Variants in ATR observed in about 807,000 individuals in gnomAD.
ATR encodes serine/threonine-protein kinase ATR.
ATR carries 142 observed loss-of-function variants against 305.3 expected under a neutral mutation model. That is an observed-to-expected ratio of 0.47 (90% CI 0.41 to 0.53). The LOEUF is 0.53. Ranked by LOEUF, ATR falls within the 20% of genes least tolerant of loss-of-function variation. The probability of loss-of-function intolerance (pLI) is 0.00; values close to 1 mark genes in which losing one functional copy is unlikely to be tolerated. For synonymous variants in ATR, 1,050 were observed against 1,068.1 expected (o/e 0.98, Z 0.33); for missense variants, 2,135 against 3,133.1 (o/e 0.68, Z 7.60).
intron 3 of ATR, among the ~76,000 whole-genome samples, chr3:142,563,755 T>C (rs2108489819): frequency 6.6e-6 from 1 of 152,350 alleles, no homozygotes; most frequent in South Asian, 2.1e-4. Flanking sequence ...GGAAGGCATG[T>C]TGAAAGCCAA....
intron 10 of ATR, among the ~76,000 whole-genome samples, chr3:142,554,793 A>T (rs984714400): frequency 6.6e-6 from 1 of 151,716 alleles, no homozygotes; most frequent in Non-Finnish European, 1.5e-5. Context: ...GTAGTGGCAC[A>T]TACTATGGTT....
At chr3:142,496,798 A>G (rs1480630432) in intron 33 of ATR, among the ~76,000 whole-genome samples, 1 of 152,124 alleles carries the variant, frequency 6.6e-6, no homozygotes. Flanking sequence ...TATCCCCCAG[A>G]TATGTTTTTA....
chr3:142,559,229 T>C lies in ATR; in HGVS notation c.1732+22A>G, dbSNP rs755429525. On this transcript the variant is annotated intron_variant, in intron 7 of 46. Transcript: ENST00000350721. ...TGATTATCTTTAAAGGTTATTCTGA[T>C]CTGTTGCTAATTTGTACTCACCTTG... 3.1e-6 allele frequency: 5 copies of C among 1,602,240 alleles called. No individual in the cohort carries two copies. The Admixed American group carries it at 5.0e-5, about 16-fold the overall frequency.
intron 35 of ATR, 57 bp from the exon 36 acceptor site, chr3:142,485,339 T>A: frequency 6.3e-7 from 1 of 1,589,284 alleles, no homozygotes; most frequent in Admixed American, 1.7e-5. Flanking sequence ...TGCTGGGAAG[T>A]AAAATATGAA....
chr3:142,534,885 A>C (rs1182133129), intron 21 of ATR, among the ~76,000 whole-genome samples, 195 bp downstream of exon 21: 2 of 152,104 alleles, frequency 1.3e-5, no homozygotes, highest in Non-Finnish European at 2.9e-5. Flanking sequence ...AAAACAACAA[A>C]AACTGCAAAT....
rs749606435 is a variant in ATR, at chr3:142,449,393, T to C, written c.*36A>G. 6.4e-7 allele frequency: 1 copy of C among 1,557,702 alleles called. No individual in the cohort carries two copies. The highest frequency in any genetic ancestry group is 8.9e-7 in the Non-Finnish European group (1 of 1,129,152). ...CAGATTCATACCAAATGCATTACTT[T>C]TAGATTATTAACATATTCTTTTACA... is the stretch of plus-strand genomic sequence containing the variant. On this transcript the variant is annotated 3_prime_UTR_variant, in exon 47 of 47. Coordinates refer to ENST00000350721, the MANE Select transcript of ATR (RefSeq NM_001184.4).
chr3:142,536,115 T>A lies in ATR; in HGVS notation c.3812A>T (p.Tyr1271Phe), dbSNP rs1332295692. Residue 1271 changes from tyrosine to phenylalanine, a missense_variant, in exon 20 of 47, where the codon TAC becomes TTC. Transcript: ENST00000350721. ...LKKIKAVLQE[Y>F]RKETSESTDL... ...AAATTAAAAATTAAATACCTTTCTG[T>A]ATTCCTGGAGAACGGCTTTTATCTT... 1 of 1,562,952 alleles carries A rather than the reference T, an allele frequency of 6.4e-7. No individual in the cohort carries two copies. Among genetic ancestry groups the A allele is most frequent in the East Asian group, 2.2e-5 (1 of 44,466 alleles).
At position 142,459,067 on chromosome 3, in the gene ATR, G is replaced by C. The variant is rs2108260468; in HGVS notation, c.7394C>G (p.Ser2465Ter). Residue 2465 changes from serine (S) to a stop codon, truncating the protein, a stop_gained, in exon 44 of 47, where the codon TCA becomes TGA. Transcript: ENST00000350721. LOFTEE classifies it high-confidence loss of function. ...AAGCCCCAGAATATAACCAACCATT[G>C]ACATTACTGCAGTGGAACGGCAGTA... Reference protein sequence around the residue: ...SAYCRSTAVMSMVGYILGLGD... With the variant: ...SAYCRSTAVM 6.2e-7 allele frequency: 1 copy of C among 1,613,930 alleles called. No homozygotes were observed. The highest frequency in any genetic ancestry group is 2.2e-5 in the East Asian group (1 of 44,870).
rs1329007573 is a variant in ATR, at chr3:142,452,952, A to T, written c.7761+176T>A. 4 of 1,472,692 alleles carry T rather than the reference A, an allele frequency of 2.7e-6. No homozygotes were observed. In the African/African-American group the frequency reaches 5.7e-5, roughly 21 times the overall value. The allele number at this position is 1,472,692 out of a possible 1,614,324, so 91.2% of individuals were successfully genotyped here. Reference sequence around the variant, plus strand: ...TGCGAATACTGTTAACATTACTGACAATAAAGAAAACTTATGGCATTGTGA... The same window carrying T: ...TGCGAATACTGTTAACATTACTGACTATAAAGAAAACTTATGGCATTGTGA... On this transcript the variant is annotated intron_variant, in intron 46 of 46. Coordinates refer to ENST00000350721, the MANE Select transcript of ATR (RefSeq NM_001184.4).
chr3:142,514,467 T>TA (rs1454265309), intron 25 of ATR, among the ~76,000 whole-genome samples: 88 of 150,594 alleles, frequency 5.8e-4, no homozygotes, highest in African/African-American at 2.0e-3. Context: ...CCGTCTCTAC[T>TA]AAAAAAATAC....
chr3:142,511,835 T>C (rs1050775215), intron 27 of ATR, among the ~76,000 whole-genome samples: 1 of 151,362 alleles, frequency 6.6e-6, no homozygotes, highest in African/African-American at 2.4e-5. Context: ...ACAAAACAGC[T>C]GGGTGCGGTG....
intron 34 of ATR, 82 bp downstream of exon 34, chr3:142,496,279 T>C (rs73864545): frequency 1.1e-4 from 3 of 28,452 alleles, no homozygotes; most frequent in Admixed American, 7.5e-4. Context: ...AATTCCCGAC[T>C]ATATATATAT....
intron 31 of ATR, chr3:142,499,036 C>T (rs2031805878): frequency 2.0e-6 from 1 of 499,926 alleles, no homozygotes; most frequent in East Asian, 3.6e-5. Context: ...GCCACCATGC[C>T]CAGCTAAGTT....
At position 142,563,052 on chromosome 3, in the gene ATR, T is replaced by C; in HGVS notation, c.350A>G (p.His117Arg). The C allele has an allele frequency of 6.2e-7, 1 of 1,601,108 alleles. No homozygotes were observed. The highest frequency in any genetic ancestry group is 2.2e-5 in the East Asian group (1 of 44,810). Residue 117 changes from histidine to arginine, a missense_variant, in exon 4 of 47, where the codon CAT (histidine) becomes CGT (arginine). Coordinates refer to ENST00000350721, the MANE Select transcript of ATR (RefSeq NM_001184.4). Reference protein sequence around the residue: ...LLRIAATPSCHLLHKKICEVI... With the variant: ...LLRIAATPSCRLLHKKICEVI... ...TTCACAGATTTTCTTGTGTAACAAA[T>C]GACAGGAGGGAGTTGCTGCAATCCG... is the stretch of plus-strand genomic sequence containing the variant.
chr3:142,560,608 T>C (rs1484886303), intron 5 of ATR, among the ~76,000 whole-genome samples, 154 bp from the exon 6 acceptor site: 1 of 152,014 alleles, frequency 6.6e-6, no homozygotes, highest in Non-Finnish European at 1.5e-5. Flanking sequence ...TCTCCCAGGC[T>C]GGAGTGCAGT....
At chr3:142,454,363 A>G (rs891839203) in intron 45 of ATR, among the ~76,000 whole-genome samples, 5 of 151,070 alleles carry the variant, frequency 3.3e-5, no homozygotes, top group African/African-American at 1.2e-4. Context: ...ATGATGATAT[A>G]CTTCCTATTT....
At chr3:142,548,504 A>T (rs2034352297) in intron 15 of ATR, among the ~76,000 whole-genome samples, 1 of 152,120 alleles carries the variant, frequency 6.6e-6, no homozygotes, top group Non-Finnish European at 1.5e-5. Flanking sequence ...CCCCACCTCT[A>T]CTAAAAATAC....
intron 21 of ATR, among the ~76,000 whole-genome samples, chr3:142,527,926 T>C (rs181924166): frequency 3.6e-4 from 55 of 152,298 alleles, no homozygotes; most frequent in African/African-American, 1.2e-3. Flanking sequence ...TAATCTACTT[T>C]CTATCTCTAT....
chr3:142,449,538 ACT>A lies in ATR; in HGVS notation c.7824_7825del (p.Arg2608SerfsTer9), dbSNP rs767609266. 1.2e-6 allele frequency: 2 copies of A among 1,613,990 alleles called. No homozygotes were observed. Among genetic ancestry groups the A allele is most frequent in the South Asian group, 1.1e-5 (1 of 91,080 alleles). On this transcript the variant is annotated frameshift_variant, in exon 47 of 47. Transcript: ENST00000350721. LOFTEE classifies it high-confidence loss of function. ...TTCAATAGATAACGGCAGTCCTGTC[ACT>A]CTATTTCGAGTCTTGATTACACCTT...
Sources: allele counts gnomAD v4.1 joint callset (sites outside exome capture counted in the v4.1 genomes callset), GRCh38; gene constraint gnomAD v4.1.1; transcripts MANE v1.5; gene names NCBI Gene and HGNC (gene_info 2026-07-23, HGNC 2026-07-21).